Variants in FBXL13 observed in about 807,000 individuals in gnomAD.
FBXL13 encodes the protein F-box and leucine-rich repeat protein 13.
In FBXL13, 67 loss-of-function variants were observed where a neutral mutation model predicts 83.6. The ratio of observed to expected loss-of-function variants is 0.80; its 90% CI spans 0.66 to 0.98. FBXL13 has a LOEUF of 0.98. Among genes scored for constraint, FBXL13 ranks in the 50% least tolerant of loss-of-function variants. The pLI is 0.00. For missense variants in FBXL13, 822 were observed against 866.5 expected, an observed-to-expected ratio of 0.95 and a Z score of 0.64; for synonymous variants, 272 against 299.5, an observed-to-expected ratio of 0.91 and a Z score of 0.95.
rs67686614 is a variant in FBXL13 at position 102,887,414 on chromosome 7, T to TACACAC, written c.1009-3108_1009-3103dup. 1.8e-3 allele frequency among the ~76,000 whole-genome samples: 274 copies of TACACAC among 148,706 alleles called. 1 individual carries two copies. The highest frequency in any genetic ancestry group is 9.5e-3 in the East Asian group (48 of 5,070). ...TTACATCCAAGTATATATACATACA[T>TACACAC]ACACACACACACACACACACACACA... On this transcript the variant is annotated intron_variant, in intron 11 of 19. Coordinates refer to ENST00000313221, the Ensembl canonical transcript of FBXL13.
rs148801775 is a variant in FBXL13 at position 102,876,408 on chromosome 7, C to T, written c.1635+1059G>A. ...GTACTGCTTCCTACCCACAATCTCA[C>T]ATCACTCATGGACGATATGGAAGGG... On this transcript the variant is annotated intron_variant, in intron 16 of 19. Coordinates refer to ENST00000313221, the Ensembl canonical transcript of FBXL13. 3.7e-3 allele frequency among the ~76,000 whole-genome samples: 568 copies of T among 152,256 alleles called. 5 individuals are homozygous for T. Among genetic ancestry groups the T allele is most frequent in the African/African-American group, 0.014 (561 of 41,538 alleles).
chr7:102,873,681 C>T (rs1371579127), intron 16 of FBXL13, among the ~76,000 whole-genome samples: 2 of 152,188 alleles, frequency 1.3e-5, no homozygotes, highest in Admixed American at 6.5e-5. Context: ...GTTCAAATTC[C>T]TTAATGTGGC....
chr7:102,992,072 C>A (rs909014975), intron 6 of FBXL13, among the ~76,000 whole-genome samples: 1 of 152,134 alleles, frequency 6.6e-6, no homozygotes, highest in African/African-American at 2.4e-5. Context: ...CTGATACTAT[C>A]CTAATGCTCT....
At chr7:102,843,116 G>T (rs1408643913) in intron 17 of FBXL13, among the ~76,000 whole-genome samples, 1 of 152,152 alleles carries the variant, frequency 6.6e-6, no homozygotes, top group African/African-American at 2.4e-5. Flanking sequence ...ATCATAAAAG[G>T]TTATGAAGAT....
intron 11 of FBXL13, among the ~76,000 whole-genome samples, chr7:102,911,010 C>T (rs1306726884): frequency 1.3e-5 from 2 of 152,170 alleles, no homozygotes; most frequent in African/African-American, 4.8e-5. Flanking sequence ...ATCCTTCTGC[C>T]TCAGCCTCCC....
At chr7:102,834,439 TATTATATATATGTG>T (rs1801487084) in intron 17 of FBXL13, among the ~76,000 whole-genome samples, 1 of 130,352 alleles carries the variant, frequency 7.7e-6, no homozygotes, top group Admixed American at 7.6e-5. Context: ...TGATTATATA[TATTATATATATGTG>T]ATTATATATA....
At chr7:102,994,450 A>G (rs993918909) in intron 6 of FBXL13, among the ~76,000 whole-genome samples, 1 of 151,726 alleles carries the variant, frequency 6.6e-6, no homozygotes, top group African/African-American at 2.4e-5. Context: ...TATAGAGGCT[A>G]TAAGCTTAGC....
chr7:102,837,191 A>G (rs1407539093), intron 17 of FBXL13, among the ~76,000 whole-genome samples: 1 of 152,236 alleles, frequency 6.6e-6, no homozygotes, highest in Non-Finnish European at 1.5e-5. Context: ...CATCAGAGCA[A>G]GTGGGACTGG....
intron 16 of FBXL13, among the ~76,000 whole-genome samples, chr7:102,859,467 TTC>T (rs1320355180): frequency 3.3e-5 from 5 of 152,214 alleles, no homozygotes; most frequent in Admixed American, 2.0e-4. Context: ...AAGGTAAATA[TTC>T]TGTTTGGCAC....
At chr7:102,919,903 T>G (rs944921322) in intron 10 of FBXL13, among the ~76,000 whole-genome samples, 1 of 152,166 alleles carries the variant, frequency 6.6e-6, no homozygotes, top group Non-Finnish European at 1.5e-5. Flanking sequence ...AAAAAGACCA[T>G]CAATGAATGG....
rs114828963 is a variant in FBXL13, at chr7:103,073,048, G to A, written c.-105+1198C>T. Among the ~76,000 whole-genome samples, 1,159 of 152,294 alleles carry A rather than the reference G, an allele frequency of 7.6e-3. 17 individuals are homozygous for A. Among genetic ancestry groups the A allele is most frequent in the African/African-American group, 0.027 (1,103 of 41,538 alleles). Reference sequence around the variant, plus strand: ...ACATATTTTCAAGCACAATTGTATAGAGGTACAACACAAAACTCACTGTAA... The same window carrying A: ...ACATATTTTCAAGCACAATTGTATAAAGGTACAACACAAAACTCACTGTAA... On this transcript the variant is annotated intron_variant, in intron 1 of 19. Coordinates refer to ENST00000313221, the Ensembl canonical transcript of FBXL13.
intron 2 of FBXL13, among the ~76,000 whole-genome samples, chr7:103,041,940 C>G (rs1018011058): frequency 1.3e-5 from 2 of 152,182 alleles, no homozygotes; most frequent in Non-Finnish European, 2.9e-5. Context: ...TCTCAATACT[C>G]CTATTCAACA....
intron 1 of FBXL13, among the ~76,000 whole-genome samples, chr7:103,068,239 CA>C (rs1326641780): frequency 2.0e-5 from 3 of 152,072 alleles, no homozygotes; most frequent in African/African-American, 7.2e-5. Flanking sequence ...ATGCTACCAA[CA>C]AAACATAGAG....
At chr7:102,975,935 T>C (rs755880050) in intron 6 of FBXL13, 1 of 764,702 alleles carries the variant, frequency 1.3e-6, no homozygotes, top group South Asian at 1.3e-5. Context: ...AGAAGCCTCC[T>C]AGCAATCCAC....
In FBXL13 at chr7:103,044,070, A is replaced by C. The variant is rs565452767; in HGVS notation, c.-1+11574T>G. Reference sequence around the variant, plus strand: ...ACCTCTATGCAATATTATTGTCCACACAAAATGTTGGTAGGGGGGAACCTG... The same window carrying C: ...ACCTCTATGCAATATTATTGTCCACCCAAAATGTTGGTAGGGGGGAACCTG... On this transcript the variant is annotated intron_variant, in intron 2 of 19. Coordinates refer to ENST00000313221, the Ensembl canonical transcript of FBXL13. Among the ~76,000 whole-genome samples the C allele has an allele frequency of 1.4e-4, 21 of 152,338 alleles. No individual in the cohort carries two copies. The East Asian group carries it at 3.7e-3, about 27-fold the overall frequency.
intron 16 of FBXL13, among the ~76,000 whole-genome samples, chr7:102,860,214 A>C (rs1205914142): frequency 2.6e-5 from 4 of 152,174 alleles, no homozygotes; most frequent in Non-Finnish European, 5.9e-5. Flanking sequence ...AGTCACTATA[A>C]TGAGGTTCCT....
intron 6 of FBXL13, among the ~76,000 whole-genome samples, chr7:103,007,103 ATTAAG>A (rs772534000): frequency 1.2e-4 from 19 of 152,194 alleles, no homozygotes; most frequent in Non-Finnish European, 2.5e-4. Context: ...ATGGGACAAT[ATTAAG>A]TTATCTAAGT....
chr7:103,020,552 A>G (rs182113521), intron 6 of FBXL13, among the ~76,000 whole-genome samples: 1 of 152,286 alleles, frequency 6.6e-6, no homozygotes, highest in Non-Finnish European at 1.5e-5. Context: ...TTTGCAGATG[A>G]CCAGATGACA....
chr7:103,008,855 G>A (rs1486719310), intron 6 of FBXL13, among the ~76,000 whole-genome samples: 1 of 152,162 alleles, frequency 6.6e-6, no homozygotes. Context: ...ACCGCGCCCA[G>A]CTTATAATTG....
Sources: gnomAD v4.1 joint callset for allele counts (sites outside exome capture counted in the v4.1 genomes callset) on GRCh38, gnomAD v4.1.1 for gene constraint, MANE v1.5 for transcripts, NCBI Gene and HGNC (gene_info 2026-07-23, HGNC 2026-07-21) for gene names.